SLC16A7: variants seen among roughly 807,000 people sequenced by gnomAD.
The protein encoded by SLC16A7 is solute carrier family 16 member 7.
In SLC16A7, 33 loss-of-function variants were observed where a neutral mutation model predicts 34.9. The ratio of observed to expected loss-of-function variants is 0.94; its 90% CI spans 0.72 to 1.26. SLC16A7 has a LOEUF of 1.26. SLC16A7 is among the 50% of genes most tolerant of loss of function. The pLI is 0.00. For missense variants in SLC16A7, 573 were observed against 578.1 expected (o/e 0.99, Z 0.09); for synonymous variants, 201 against 206.6 (o/e 0.97, Z 0.23).
intron 2 of SLC16A7, among the ~76,000 whole-genome samples, chr12:59,680,894 A>G (rs1353304970): frequency 2.0e-5 from 3 of 152,116 alleles, no homozygotes; most frequent in African/African-American, 4.8e-5. Context: ...TCCTCCACCA[A>G]ATATTTCTGG....
chr12:59,680,358 C>T (rs375284407), intron 2 of SLC16A7, among the ~76,000 whole-genome samples: 3 of 152,046 alleles, frequency 2.0e-5, no homozygotes, highest in African/African-American at 7.2e-5. Flanking sequence ...TGAAAAATAA[C>T]CTTGGAATTT....
rs145632982 is a variant in SLC16A7 at position 59,699,222 on chromosome 12, T to C, written c.-30-5550T>C. On this transcript the variant is annotated intron_variant, in intron 2 of 5. Transcript: ENST00000547379. ...AATGTGTAGGGTAATTACTGAAGTATAAATATGATGCCTAAACTTCCAAAT... is the reference window on the plus strand; with the variant it reads ...AATGTGTAGGGTAATTACTGAAGTACAAATATGATGCCTAAACTTCCAAAT... 1.4e-3 allele frequency among the ~76,000 whole-genome samples: 213 copies of C among 151,810 alleles called. 1 individual carries two copies. Among genetic ancestry groups the C allele is most frequent in the Middle Eastern group, 6.8e-3 (2 of 294 alleles).
intron 2 of SLC16A7, among the ~76,000 whole-genome samples, chr12:59,678,164 C>T (rs1870458977): frequency 6.6e-6 from 1 of 152,186 alleles, no homozygotes. Context: ...CCTGAAGGGC[C>T]ACAGCTCTTC....
In SLC16A7 at chr12:59,675,018, C is replaced by T. The variant is rs530537930; in HGVS notation, c.-31+19768C>T. Among the ~76,000 whole-genome samples the T allele has an allele frequency of 2.7e-4, 41 of 152,252 alleles. No homozygotes were observed. The South Asian group carries it at 3.7e-3, about 14-fold the overall frequency. On this transcript the variant is annotated intron_variant, in intron 2 of 5. Transcript: ENST00000547379. ...TCAGGTCATCTTACCCATAACTAAG[C>T]GAGTCTGGGTCAACAAGGGCAATGA...
chr12:59,615,633 C>A (rs1208591461), intron 1 of SLC16A7, among the ~76,000 whole-genome samples: 3 of 152,144 alleles, frequency 2.0e-5, no homozygotes, highest in Non-Finnish European at 4.4e-5. Context: ...AATAATAATA[C>A]CAGCAAAGTT....
chr12:59,690,552 T>G (rs181481251), intron 2 of SLC16A7, among the ~76,000 whole-genome samples: 1 of 151,998 alleles, frequency 6.6e-6, no homozygotes, highest in African/African-American at 2.4e-5. Context: ...GGGCCAGTTA[T>G]GTGGAGATGC....
chr12:59,623,483 T>C (rs543387785), intron 1 of SLC16A7, among the ~76,000 whole-genome samples: 6 of 151,828 alleles, frequency 4.0e-5, no homozygotes, highest in African/African-American at 1.4e-4. Context: ...AGTTATTTTA[T>C]CTATATAAAT....
At chr12:59,758,080 G>A (rs1190082230) in intron 3 of SLC16A7, among the ~76,000 whole-genome samples, 1 of 151,714 alleles carries the variant, frequency 6.6e-6, no homozygotes, top group Admixed American at 6.6e-5. Flanking sequence ...AGGGTTAGGG[G>A]GACCAATCCT....
intron 1 of SLC16A7, among the ~76,000 whole-genome samples, chr12:59,645,452 T>C (rs1013570209): frequency 1.3e-5 from 2 of 152,160 alleles, no homozygotes; most frequent in African/African-American, 4.8e-5. Flanking sequence ...TAAGGGGCTT[T>C]CCCCTTTGCT....
intron 3 of SLC16A7, among the ~76,000 whole-genome samples, chr12:59,747,858 C>T (rs749221194): frequency 7.9e-5 from 12 of 152,316 alleles, no homozygotes; most frequent in Non-Finnish European, 1.8e-4. Context: ...GATCCTCCAA[C>T]ACGGATCCTA....
chr12:59,673,258 G>C (rs1870036604), intron 2 of SLC16A7, among the ~76,000 whole-genome samples: 1 of 152,068 alleles, frequency 6.6e-6, no homozygotes, highest in Non-Finnish European at 1.5e-5. Context: ...AACATTTGCT[G>C]AAATTGATGA....
At chr12:59,670,979 G>T (rs1343834645) in intron 2 of SLC16A7, among the ~76,000 whole-genome samples, 1 of 151,374 alleles carries the variant, frequency 6.6e-6, no homozygotes, top group Non-Finnish European at 1.5e-5. Context: ...TCCTGTCTCT[G>T]TTTCTTTCTA....
At chr12:59,633,495 C>G (rs1402943158) in intron 1 of SLC16A7, among the ~76,000 whole-genome samples, 1 of 151,878 alleles carries the variant, frequency 6.6e-6, no homozygotes, top group Non-Finnish European at 1.5e-5. Context: ...GATGTGACAC[C>G]TAGTGTGGTG....
At chr12:59,658,822 A>G (rs552640364) in intron 2 of SLC16A7, among the ~76,000 whole-genome samples, 1 of 152,186 alleles carries the variant, frequency 6.6e-6, no homozygotes, top group East Asian at 1.9e-4. Context: ...TAAAGCTAGG[A>G]AAGTTTTTAA....
At chr12:59,702,261 A>C (rs1872976764) in intron 2 of SLC16A7, among the ~76,000 whole-genome samples, 1 of 151,964 alleles carries the variant, frequency 6.6e-6, no homozygotes, top group African/African-American at 2.4e-5. Context: ...TACATCTTCA[A>C]AGATACTATT....
Position 59,788,149 on chromosome 12 carries a change from C to T in SLC16A7, c.*8470C>T, listed in dbSNP as rs1335062097. ...CTTTGAACAAATATGTTTTTCTAATCCCAGCATTAAATTGAAACAAATATT... is the reference window on the plus strand; with the variant it reads ...CTTTGAACAAATATGTTTTTCTAATTCCAGCATTAAATTGAAACAAATATT... On this transcript the variant is annotated 3_prime_UTR_variant, in exon 6 of 6. Coordinates refer to ENST00000547379, the MANE Select transcript of SLC16A7 (RefSeq NM_001270623.2). 1 of 151,878 alleles carries T rather than the reference C, an allele frequency of 6.6e-6. No homozygotes were observed. Among genetic ancestry groups the T allele is most frequent in the East Asian group, 1.9e-4 (1 of 5,190 alleles). The allele number at this position is 151,878 out of a possible 1,614,324, so 9.4% of individuals were successfully genotyped here.
intron 1 of SLC16A7, among the ~76,000 whole-genome samples, chr12:59,635,848 T>G (rs1880396069): frequency 6.6e-6 from 1 of 151,982 alleles, no homozygotes; most frequent in Non-Finnish European, 1.5e-5. Flanking sequence ...AAATCCCTGT[T>G]CTCGGTTCTT....
At chr12:59,707,264 A>G (rs1042929151) in intron 3 of SLC16A7, among the ~76,000 whole-genome samples, 2 of 152,230 alleles carry the variant, frequency 1.3e-5, no homozygotes, top group South Asian at 4.1e-4. Context: ...AAGAAACAGA[A>G]CTACATAACA....
At chr12:59,726,365 G>A (rs1876231570) in intron 3 of SLC16A7, among the ~76,000 whole-genome samples, 1 of 152,026 alleles carries the variant, frequency 6.6e-6, no homozygotes, top group Non-Finnish European at 1.5e-5. Flanking sequence ...GTTTTTAGTT[G>A]TAGATTAGTG....
Sources: allele counts gnomAD v4.1 joint callset (sites outside exome capture counted in the v4.1 genomes callset), GRCh38; gene constraint gnomAD v4.1.1; transcripts MANE v1.5; gene names NCBI Gene and HGNC (gene_info 2026-07-23, HGNC 2026-07-21).